Variants in ZMYND11 observed in about 807,000 individuals in gnomAD.
The protein encoded by ZMYND11 is zinc finger MYND domain-containing protein 11.
A neutral mutation model predicts 84.9 loss-of-function variants in ZMYND11; 9 were observed. The observed-to-expected ratio is 0.11, with a 90% CI of 0.06 to 0.18. The LOEUF is 0.18. Ranked by LOEUF, ZMYND11 falls within the 10% of genes least tolerant of loss-of-function variation. ZMYND11 has a pLI of 1.00. For synonymous variants in ZMYND11, 250 were observed against 244.1 expected (o/e 1.02, Z -0.23); for missense variants, 409 against 761.0 (o/e 0.54, Z 5.44).
At chr10:228,161 A>C (rs888504463) in intron 4 of ZMYND11, among the ~76,000 whole-genome samples, 2 of 152,216 alleles carry the variant, frequency 1.3e-5, no homozygotes, top group Admixed American at 6.5e-5. Context: ...ATATAAAACT[A>C]TAAAATCCTA....
intron 4 of ZMYND11, among the ~76,000 whole-genome samples, chr10:234,465 A>G (rs1476944815): frequency 3.3e-5 from 5 of 152,382 alleles, no homozygotes; most frequent in East Asian, 3.9e-4. Flanking sequence ...TCAGCGCTAC[A>G]TAACAGTGTT....
rs528249102 is a variant in ZMYND11 at position 139,364 on chromosome 10, A to G, written c.-20+3805A>G. Reference sequence around the variant, plus strand: ...TTAGATCTTCATTAAACCCTCACCAACATTTCTACTAGGAATTCAGCATAT... The same window carrying G: ...TTAGATCTTCATTAAACCCTCACCAGCATTTCTACTAGGAATTCAGCATAT... On this transcript the variant is annotated intron_variant, in intron 1 of 14. Transcript: ENST00000381604. Among the ~76,000 whole-genome samples the G allele has an allele frequency of 1.8e-4, 28 of 152,318 alleles. 1 individual carries two copies. In the South Asian group the frequency reaches 2.1e-3, roughly 11 times the overall value.
intron 2 of ZMYND11, among the ~76,000 whole-genome samples, chr10:196,241 C>G (rs1300347309): frequency 1.3e-5 from 2 of 152,172 alleles, no homozygotes; most frequent in African/African-American, 4.8e-5. Flanking sequence ...TATTGACATG[C>G]TGTTCGCTTC....
chr10:131,538 T>C (rs1472682286), upstream of ZMYND11, among the ~76,000 whole-genome samples: 1 of 152,146 alleles, frequency 6.6e-6, no homozygotes, highest in Non-Finnish European at 1.5e-5. Context: ...ACTGACAGTT[T>C]CTCCTGGAGA....
intron 1 of ZMYND11, among the ~76,000 whole-genome samples, chr10:179,149 A>C (rs902515694): frequency 1.3e-5 from 2 of 152,194 alleles, no homozygotes; most frequent in East Asian, 3.8e-4. Flanking sequence ...GATTCATGAC[A>C]AACGCTTACC....
chr10:176,317 A>G (rs1322378261), intron 1 of ZMYND11, among the ~76,000 whole-genome samples: 2 of 151,948 alleles, frequency 1.3e-5, no homozygotes, highest in Non-Finnish European at 2.9e-5. Context: ...ATCATGGTCT[A>G]CTTTTACCAA....
intron 2 of ZMYND11, among the ~76,000 whole-genome samples, chr10:190,595 G>A (rs1460461152): frequency 6.6e-6 from 1 of 152,036 alleles, no homozygotes; most frequent in East Asian, 1.9e-4. Context: ...ATTCTCTTTT[G>A]ATTTCCTCAT....
chr10:202,375 G>A (rs1943354742), intron 2 of ZMYND11, among the ~76,000 whole-genome samples: 1 of 152,018 alleles, frequency 6.6e-6, no homozygotes, highest in African/African-American at 2.4e-5. Context: ...GAGTGAGCAG[G>A]AAAACATAAA....
chr10:249,866 G>T, intron 14 of ZMYND11: 3 of 810,474 alleles, frequency 3.7e-6, no homozygotes, highest in Non-Finnish European at 4.5e-6. Flanking sequence ...TTTTAAATCT[G>T]TGACAAAGAT....
At chr10:209,158 C>T (rs1406545672) in intron 2 of ZMYND11, among the ~76,000 whole-genome samples, 1 of 151,820 alleles carries the variant, frequency 6.6e-6, no homozygotes, top group Non-Finnish European at 1.5e-5. Context: ...AGATACAAAG[C>T]AAATATGCCG....
chr10:181,680 G>C (rs955318959), intron 2 of ZMYND11, among the ~76,000 whole-genome samples: 4 of 152,124 alleles, frequency 2.6e-5, no homozygotes, highest in African/African-American at 9.7e-5. Flanking sequence ...AGATAGAGAA[G>C]GGGTGAGGAT....
intron 2 of ZMYND11, among the ~76,000 whole-genome samples, chr10:193,983 G>A (rs2130954846): frequency 6.6e-6 from 1 of 152,062 alleles, no homozygotes; most frequent in East Asian, 1.9e-4. Context: ...GGATATTTGG[G>A]GTGGTTTTTT....
chr10:218,363 C>A (rs1470792122), intron 3 of ZMYND11: 1 of 185,486 alleles, frequency 5.4e-6, no homozygotes, highest in Non-Finnish European at 1.3e-5. Flanking sequence ...AACAGTTTGG[C>A]CCTGTGTGAA....
At chr10:211,377 A>G (rs955100142) in intron 3 of ZMYND11, among the ~76,000 whole-genome samples, 2 of 152,178 alleles carry the variant, frequency 1.3e-5, no homozygotes, top group Non-Finnish European at 2.9e-5. Flanking sequence ...TAAATTCTCT[A>G]AAATCTAAAA....
intron 2 of ZMYND11, among the ~76,000 whole-genome samples, chr10:201,338 T>A (rs950102830): frequency 4.6e-5 from 7 of 152,220 alleles, no homozygotes; most frequent in Non-Finnish European, 8.8e-5. Flanking sequence ...ATGTTTTTCA[T>A]TGATAGAAAA....
intron 3 of ZMYND11, among the ~76,000 whole-genome samples, chr10:212,209 G>A (rs974030629): frequency 6.6e-6 from 1 of 151,884 alleles, no homozygotes; most frequent in African/African-American, 2.4e-5. Context: ...TCAATAAGTC[G>A]TTAATGAGCA....
At chr10:243,604 G>A (rs967169838) in intron 10 of ZMYND11, among the ~76,000 whole-genome samples, 3 of 152,134 alleles carry the variant, frequency 2.0e-5, no homozygotes, top group Non-Finnish European at 2.9e-5. Context: ...GGTGGCTCAC[G>A]CCTGTAATCC....
At position 170,448 on chromosome 10, in the gene ZMYND11, G is replaced by GTA. The variant is rs1845046021; in HGVS notation, c.-19-9545_-19-9544insAT. ...TATGTGTGCGTGTGTGTGTGTGTGTGTGTGTGTGCGTGCTTATGGGTAAGT... is the reference window on the plus strand; with the variant it reads ...TATGTGTGCGTGTGTGTGTGTGTGTGTATGTGTGTGCGTGCTTATGGGTAAGT... On this transcript the variant is annotated intron_variant, in intron 1 of 14. Transcript: ENST00000381604. Among the ~76,000 whole-genome samples the GTA allele has an allele frequency of 2.2e-5, 3 of 137,614 alleles. No homozygotes were observed. In the South Asian group the frequency reaches 7.9e-4, roughly 36 times the overall value. The allele number at this position is 137,614 out of a possible 152,430, so 90.3% of individuals were successfully genotyped here. A position where few individuals can be genotyped will look rare whatever the true frequency, so the allele number is the denominator to read the frequency against.
intron 3 of ZMYND11, among the ~76,000 whole-genome samples, chr10:215,698 C>G (rs976984393): frequency 4.6e-5 from 7 of 151,944 alleles, no homozygotes; most frequent in Non-Finnish European, 7.4e-5. Context: ...GCTGGGACTA[C>G]AGGCATGCAC....
Sources: allele counts gnomAD v4.1 joint callset (sites outside exome capture counted in the v4.1 genomes callset), GRCh38; gene constraint gnomAD v4.1.1; transcripts MANE v1.5; gene names NCBI Gene and HGNC (gene_info 2026-07-23, HGNC 2026-07-21).